The following CACNB4 variants were observed in gnomAD, a reference collection of about 807,000 sequenced individuals.
CACNB4 encodes voltage-dependent L-type calcium channel subunit beta-4.
CACNB4 carries 32 observed loss-of-function variants against 71.2 expected under a neutral mutation model. That is an observed-to-expected ratio of 0.45 (90% CI 0.34 to 0.60). The LOEUF (loss-of-function observed/expected upper bound fraction) is 0.60, where lower values mean the gene tolerates loss of function less well. Among genes scored for constraint, CACNB4 ranks in the 20% least tolerant of loss-of-function variants. CACNB4 has a pLI of 0.01. For missense variants in CACNB4, 464 were observed against 647.9 expected, an observed-to-expected ratio of 0.72 and a Z score of 3.08; for synonymous variants, 231 against 236.9, an observed-to-expected ratio of 0.97 and a Z score of 0.23.
chr2:151,866,245 T>C (rs918202019), intron 9 of CACNB4: 24 of 152,364 alleles, frequency 1.6e-4, no homozygotes, highest in African/African-American at 5.8e-4. Flanking sequence ...TGTTGGACTT[T>C]CATCCAATTT....
At chr2:151,993,151 G>GTT (rs34066188) in intron 2 of CACNB4, among the ~76,000 whole-genome samples, 5 of 145,136 alleles carry the variant, frequency 3.4e-5, no homozygotes, top group Admixed American at 1.4e-4. Flanking sequence ...CACGTTTTTT[G>GTT]TTTTTTTTTT....
At chr2:151,945,748 T>C (rs1188052821) in intron 2 of CACNB4, among the ~76,000 whole-genome samples, 2 of 151,950 alleles carry the variant, frequency 1.3e-5, no homozygotes, top group Non-Finnish European at 2.9e-5. Context: ...ATATGTAAAG[T>C]AGCAATAGTA....
At chr2:151,945,341 C>T (rs916010779) in intron 2 of CACNB4, among the ~76,000 whole-genome samples, 2 of 152,150 alleles carry the variant, frequency 1.3e-5, no homozygotes, top group African/African-American at 4.8e-5. Context: ...CTGCACTTGC[C>T]CAGGGGTGTC....
rs151081157 is a variant in CACNB4 at position 152,065,408 on chromosome 2, G to A, written c.147+32922C>T. ...AAAAGAAAAAAAAAAAAAAGAGAGA[G>A]AGAGAAGTTACATGCTTTTTCCCCA... On this transcript the variant is annotated intron_variant, in intron 2 of 13. Coordinates refer to ENST00000539935, the MANE Select transcript of CACNB4 (RefSeq NM_000726.5). 7.1e-3 allele frequency among the ~76,000 whole-genome samples: 1,083 copies of A among 151,766 alleles called. 17 individuals are homozygous for A. Among genetic ancestry groups the A allele is most frequent in the South Asian group, 0.067 (321 of 4,796 alleles).
Position 152,098,678 on chromosome 2 carries a change from G to C in CACNB4, c.64-265C>G. 6.4e-7 allele frequency: 1 copy of C among 1,566,084 alleles called. No homozygotes were observed. The highest frequency in any genetic ancestry group is 8.7e-7 in the Non-Finnish European group (1 of 1,155,646). On this transcript the variant is annotated intron_variant, in intron 1 of 13. Transcript: ENST00000539935. The surrounding 1 kb of genome is among the most constrained non-coding windows in gnomAD (Gnocchi z 5.3). ...CAAAGACTCTCAGGGTGCGGGGTCC[G>C]AGTCCCCGGCATCCGCTGGGGGAGG...
intron 2 of CACNB4, among the ~76,000 whole-genome samples, chr2:152,067,751 A>G (rs1686426652): frequency 6.6e-6 from 1 of 152,184 alleles, no homozygotes; most frequent in Admixed American, 6.5e-5. Context: ...TCGCAGGCAT[A>G]CAGTAGCATC....
At chr2:151,983,468 A>G (rs535837982) in intron 2 of CACNB4, among the ~76,000 whole-genome samples, 95 of 152,338 alleles carry the variant, frequency 6.2e-4, no homozygotes, top group Non-Finnish European at 9.0e-4. Context: ...CTAAATGCCA[A>G]TTCTCAGAAG....
rs530043216 is a variant in CACNB4 at position 152,000,912 on chromosome 2, G to A, written c.147+97418C>T. Among the ~76,000 whole-genome samples the A allele has an allele frequency of 7.3e-4, 111 of 152,198 alleles. 1 individual carries two copies. The East Asian group carries it at 0.014, about 19-fold the overall frequency. On this transcript the variant is annotated intron_variant, in intron 2 of 13. Coordinates refer to ENST00000539935, the MANE Select transcript of CACNB4 (RefSeq NM_000726.5). ...CAGATGTGGCTCTTCCACCGTCACCGCCCCAGAGGCCTCCTCATGGGCCTC... is the reference window on the plus strand; with the variant it reads ...CAGATGTGGCTCTTCCACCGTCACCACCCCAGAGGCCTCCTCATGGGCCTC...
At chr2:152,072,791 C>T (rs1686771462) in intron 2 of CACNB4, among the ~76,000 whole-genome samples, 1 of 151,818 alleles carries the variant, frequency 6.6e-6, no homozygotes, top group East Asian at 1.9e-4. Context: ...CAGGCGCCCA[C>T]CACCAGGCCC....
In CACNB4 at chr2:151,955,935, T is replaced by C. The variant is rs142339712; in HGVS notation, c.148-72565A>G. ...AAAAATAGAAAAAAAAAAAAAGAATTAGACTTTGAGCAATTCAAAGTCTAT... is the reference window on the plus strand; with the variant it reads ...AAAAATAGAAAAAAAAAAAAAGAATCAGACTTTGAGCAATTCAAAGTCTAT... On this transcript the variant is annotated intron_variant, in intron 2 of 13. Transcript: ENST00000539935. Among the ~76,000 whole-genome samples, 207 of 151,752 alleles carry C rather than the reference T, an allele frequency of 1.4e-3. 3 individuals carry two copies. In the East Asian group the frequency reaches 0.038, roughly 28 times the overall value.
chr2:151,853,147 C>A, intron 12 of CACNB4: 1 of 279,912 alleles, frequency 3.6e-6, no homozygotes. Context: ...TAAGCGTATC[C>A]ATGTGACTGG....
chr2:151,858,797 A>C (rs543010414), intron 10 of CACNB4: 1 of 152,342 alleles, frequency 6.6e-6, no homozygotes, highest in South Asian at 2.1e-4. Context: ...TTTTGTTTAC[A>C]TGTCAATGTC....
intron 2 of CACNB4, among the ~76,000 whole-genome samples, chr2:151,951,658 G>A (rs544376933): frequency 2.0e-5 from 3 of 152,282 alleles, no homozygotes; most frequent in African/African-American, 7.2e-5. Flanking sequence ...CCATCACAGA[G>A]GCCGGCCCAC....
chr2:151,880,954 G>A lies in CACNB4; in HGVS notation c.268-32C>T, dbSNP rs914092934. The stretch of plus-strand genomic sequence containing the variant: ...ACAGAACCATGGAATAAGGAATGAG[G>A]AAGGGAGGAGAGAGGAGCATTTTTC... On this transcript the variant is annotated intron_variant, in intron 3 of 13. Coordinates refer to ENST00000539935, the MANE Select transcript of CACNB4 (RefSeq NM_000726.5). 3.2e-6 allele frequency: 5 copies of A among 1,571,872 alleles called. No individual in the cohort carries two copies. In the African/African-American group the frequency reaches 4.1e-5, roughly 13 times the overall value.
chr2:152,098,263 G>T lies in CACNB4; in HGVS notation c.147+67C>A. On this transcript the variant is annotated intron_variant, in intron 2 of 13. Coordinates refer to ENST00000539935, the MANE Select transcript of CACNB4 (RefSeq NM_000726.5). The surrounding 1 kb of genome is among the most constrained non-coding windows in gnomAD (Gnocchi z 5.3). ...CTCCCGCACGTGTGGGCCACGGCCGGCTCCAGGACCCCCGCGCCGCGCGCT... is the reference window on the plus strand; with the variant it reads ...CTCCCGCACGTGTGGGCCACGGCCGTCTCCAGGACCCCCGCGCCGCGCGCT... 7.7e-7 allele frequency: 1 copy of T among 1,306,294 alleles called. No individual in the cohort carries two copies. Among genetic ancestry groups the T allele is most frequent in the Non-Finnish European group, 1.1e-6 (1 of 902,978 alleles). The allele number at this position is 1,306,294 out of a possible 1,614,324, so 80.9% of individuals were successfully genotyped here.
chr2:151,971,202 G>A (rs1277271914), intron 2 of CACNB4: 3 of 349,158 alleles, frequency 8.6e-6, no homozygotes, highest in African/African-American at 2.1e-5. Context: ...GTGGGGATGT[G>A]AGGTGCTAAC....
chr2:151,984,976 C>T (rs1216542461), intron 2 of CACNB4, among the ~76,000 whole-genome samples: 1 of 152,154 alleles, frequency 6.6e-6, no homozygotes, highest in Non-Finnish European at 1.5e-5. Flanking sequence ...CTCTTCCCTT[C>T]ACAGATCGAT....
intron 12 of CACNB4, among the ~76,000 whole-genome samples, chr2:151,842,443 G>A (rs1390184648): frequency 6.9e-6 from 1 of 145,722 alleles, no homozygotes; most frequent in Non-Finnish European, 1.5e-5. Context: ...CAATTCTCCT[G>A]CCTCAGCCTC....
chr2:151,912,198 T>C (rs1349947284), intron 2 of CACNB4, among the ~76,000 whole-genome samples: 2 of 152,164 alleles, frequency 1.3e-5, no homozygotes, highest in Non-Finnish European at 2.9e-5. Flanking sequence ...TTATTTCTTG[T>C]CTTCTACTAG....
Sources: allele counts gnomAD v4.1 joint callset (sites outside exome capture counted in the v4.1 genomes callset), GRCh38; gene constraint gnomAD v4.1.1; non-coding constraint Gnocchi (gnomAD v3.1); transcripts MANE v1.5; gene names NCBI Gene and HGNC (gene_info 2026-07-23, HGNC 2026-07-21).